Variants in MTTP observed in about 807,000 individuals in gnomAD.
The protein encoded by MTTP is microsomal triglyceride transfer protein large subunit.
MTTP carries 49 observed loss-of-function variants against 90.6 expected under a neutral mutation model. That is an observed-to-expected ratio of 0.54 (90% CI 0.43 to 0.69). The LOEUF is 0.69. MTTP is among the 30% of genes least tolerant of loss of function. The probability of loss-of-function intolerance (pLI) is 0.00; values close to 1 mark genes in which losing one functional copy is unlikely to be tolerated. For synonymous variants in MTTP, 347 were observed against 384.2 expected (o/e 0.90, Z 1.13); for missense variants, 945 against 1,067.5 (o/e 0.89, Z 1.60).
chr4:99,604,779 C>T (rs1037638250), intron 10 of MTTP, among the ~76,000 whole-genome samples: 2 of 152,044 alleles, frequency 1.3e-5, no homozygotes, highest in African/African-American at 4.8e-5. Context: ...TTTCCTTCTC[C>T]CACTGTGACA....
chr4:99,600,282 A>G (rs1388577271), intron 8 of MTTP, among the ~76,000 whole-genome samples: 2 of 152,154 alleles, frequency 1.3e-5, no homozygotes, highest in Non-Finnish European at 1.5e-5. Context: ...TTTACTTACA[A>G]ATCGCCAAAT....
upstream of MTTP, chr4:99,570,941 C>T: frequency 2.8e-6 from 1 of 357,822 alleles, no homozygotes; most frequent in South Asian, 2.2e-5. Context: ...CCCTGTGAGA[C>T]CAGTGTTAGA....
intron 16 of MTTP, among the ~76,000 whole-genome samples, chr4:99,619,879 T>A (rs2110237554): frequency 6.6e-6 from 1 of 152,266 alleles, no homozygotes; most frequent in African/African-American, 2.4e-5. Context: ...ATGACACTGG[T>A]CATCAAAAGG....
At chr4:99,582,176 G>A in intron 2 of MTTP, 84 bp downstream of exon 2, 2 of 1,372,308 alleles carry the variant, frequency 1.5e-6, no homozygotes, top group East Asian at 2.3e-5. Flanking sequence ...CTTGTATTGG[G>A]TTCCCGTTTA....
At chr4:99,618,683 AG>A (rs1252616073) in intron 15 of MTTP, among the ~76,000 whole-genome samples, 16 of 152,214 alleles carry the variant, frequency 1.1e-4, no homozygotes, top group Admixed American at 1.0e-3. Context: ...ACACACTTTG[AG>A]AACCATTGTT....
intron 3 of MTTP, among the ~76,000 whole-genome samples, chr4:99,584,712 T>C (rs1725215352): frequency 6.6e-6 from 1 of 152,172 alleles, no homozygotes; most frequent in Non-Finnish European, 1.5e-5. Flanking sequence ...CTCTTTAGAA[T>C]GCTCTTAGCA....
intron 8 of MTTP, among the ~76,000 whole-genome samples, chr4:99,599,267 C>T (rs1043134347): frequency 6.6e-6 from 1 of 152,116 alleles, no homozygotes; most frequent in Non-Finnish European, 1.5e-5. Context: ...TTTTCTAAAA[C>T]ACATGATCTT....
chr4:99,585,679 G>T (rs1725241136), intron 3 of MTTP, among the ~76,000 whole-genome samples: 1 of 152,066 alleles, frequency 6.6e-6, no homozygotes, highest in South Asian at 2.1e-4. Flanking sequence ...AAAGTCTTCT[G>T]CTACACACAT....
chr4:99,616,099 A>T (rs1161931929), intron 15 of MTTP, among the ~76,000 whole-genome samples: 1 of 152,168 alleles, frequency 6.6e-6, no homozygotes, highest in African/African-American at 2.4e-5. Context: ...ATTAGTAGAA[A>T]AGTCTTCACC....
chr4:99,577,214 C>T (rs1214592887), intron 1 of MTTP, among the ~76,000 whole-genome samples: 1 of 152,062 alleles, frequency 6.6e-6, no homozygotes, highest in Non-Finnish European at 1.5e-5. Context: ...TTTGGGGATC[C>T]CATGCCTCAT....
Position 99,618,986 on chromosome 4 carries a change from C to T in MTTP, c.2230C>T (p.Gln744Ter), listed in dbSNP as rs1267497426. ...LIDHSQELQL[Q>*]SGLKANIEVQ... ...TTTTTTCTTCTAGGAACTTCAGTTA[C>T]AATCTGGACTAAAAGCCAATATAGA... The change falls in exon 16 of 18, where the codon CAA becomes TAA. Residue 744 changes from glutamine to a stop codon, truncating the protein, a stop_gained. Coordinates refer to ENST00000265517, the MANE Select transcript of MTTP (RefSeq NM_001386140.1). LOFTEE classifies it high-confidence loss of function. 3 of 1,612,090 alleles carry T rather than the reference C, an allele frequency of 1.9e-6. No homozygotes were observed. Among genetic ancestry groups the T allele is most frequent in the Non-Finnish European group, 2.5e-6 (3 of 1,178,442 alleles).
chr4:99,589,829 A>T, intron 4 of MTTP, 79 bp downstream of exon 4: 3 of 972,708 alleles, frequency 3.1e-6, no homozygotes, highest in Admixed American at 3.5e-5. Context: ...TCAGTAGAAG[A>T]GTTACTACTA....
intron 2 of MTTP, among the ~76,000 whole-genome samples, chr4:99,582,562 A>C (rs1456807680): frequency 6.6e-6 from 1 of 152,196 alleles, no homozygotes; most frequent in African/African-American, 2.4e-5. Context: ...TACTCCCCTG[A>C]ATAACAGTGT....
In MTTP at chr4:99,611,645, T is replaced by A. The variant is rs745074; in HGVS notation, c.1989+192T>A. On this transcript the variant is annotated intron_variant, in intron 14 of 17. Coordinates refer to ENST00000265517, the MANE Select transcript of MTTP (RefSeq NM_001386140.1). ...TAGTCACTCAGAGAAAGTTTCGAAT[T>A]TGAACTTGAAACCTAAGTAATTTGA... 0.1 allele frequency among the ~76,000 whole-genome samples: 15,895 copies of A among 152,250 alleles called. 1,001 individuals carry two copies. The highest frequency in any genetic ancestry group is 0.2 in the Middle Eastern group (59 of 294).
intron 5 of MTTP, 117 bp from the exon 6 acceptor site, chr4:99,591,534 G>A: frequency 8.2e-7 from 1 of 1,213,534 alleles, no homozygotes; most frequent in South Asian, 1.3e-5. Context: ...TGTTAGTAAT[G>A]AGGGATGGGT....
intron 16 of MTTP, 66 bp from the exon 17 acceptor site, chr4:99,620,995 A>G (rs993370055): frequency 2.7e-6 from 4 of 1,458,846 alleles, no homozygotes; most frequent in African/African-American, 1.4e-5. Flanking sequence ...GTAAAGTTAC[A>G]GCTGTTAGTC....
In MTTP at chr4:99,583,522, AGGG is replaced by A; in HGVS notation, c.393+7_393+9del. The A allele has an allele frequency of 1.9e-6, 3 of 1,613,502 alleles. No individual in the cohort carries two copies. Among genetic ancestry groups the A allele is most frequent in the Non-Finnish European group, 1.7e-6 (2 of 1,179,786 alleles). On this transcript the variant is annotated splice_donor_region_variant and intron_variant, in intron 3 of 17. Transcript: ENST00000265517. ...CTTCATCTAATCCATGGAAAGGTAA[AGGG>A]GCGTTTAGATTCCACAACTTTTTCT...
Position 99,583,655 on chromosome 4 carries a change from G to A in MTTP, c.393+138G>A, listed in dbSNP as rs1725184377. Reference sequence around the variant, plus strand: ...TTTCTTCAAGAACTAAAGAACAGAGGTTGTAAATTAAATGTTTCCAAACTG... The same window carrying A: ...TTTCTTCAAGAACTAAAGAACAGAGATTGTAAATTAAATGTTTCCAAACTG... On this transcript the variant is annotated intron_variant, in intron 3 of 17. Coordinates refer to ENST00000265517, the MANE Select transcript of MTTP (RefSeq NM_001386140.1). The A allele has an allele frequency of 4.7e-6, 5 of 1,063,308 alleles. No individual in the cohort carries two copies. The South Asian group carries it at 5.4e-5, about 11-fold the overall frequency. The allele number at this position is 1,063,308 out of a possible 1,614,324, so 65.9% of individuals were successfully genotyped here.
Position 99,607,008 on chromosome 4 carries a change from AG to A in MTTP, c.1557+49del, listed in dbSNP as rs1725834864. 5.3e-6 allele frequency: 8 copies of A among 1,506,584 alleles called. No individual in the cohort carries two copies. In the Admixed American group the frequency reaches 1.5e-4, roughly 28 times the overall value. 93.3% of individuals were successfully genotyped at this position (1,506,584 alleles called of 1,614,324 possible). A position where few individuals can be genotyped will look rare whatever the true frequency, so the allele number is the denominator to read the frequency against. Reference sequence around the variant, plus strand: ...CAACATTTACAGAAGAAAAAAAAAAAGCATGCTGAACATGAGTCAAATGCAA... The same window carrying A: ...CAACATTTACAGAAGAAAAAAAAAAACATGCTGAACATGAGTCAAATGCAA... On this transcript the variant is annotated intron_variant, in intron 11 of 17. Transcript: ENST00000265517.
Sources: allele counts gnomAD v4.1 joint callset (sites outside exome capture counted in the v4.1 genomes callset), GRCh38; gene constraint gnomAD v4.1.1; transcripts MANE v1.5; gene names NCBI Gene and HGNC (gene_info 2026-07-23, HGNC 2026-07-21).